The following GALNTL6 variants were observed in gnomAD, a reference collection of about 807,000 sequenced individuals.
GALNTL6 encodes polypeptide N-acetylgalactosaminyltransferase-like 6.
GALNTL6 carries 46 observed loss-of-function variants against 73.7 expected under a neutral mutation model. The ratio of observed to expected loss-of-function variants is 0.62; its 90% CI spans 0.49 to 0.80. GALNTL6 has a LOEUF of 0.80. Among genes scored for constraint, GALNTL6 ranks in the 30% least tolerant of loss-of-function variants. The pLI is 0.00. For missense variants in GALNTL6, 604 were observed against 755.0 expected (o/e 0.80, Z 2.34); for synonymous variants, 259 against 263.7 (o/e 0.98, Z 0.17).
At chr4:172,349,834 T>C (rs1024451278) in intron 5 of GALNTL6, among the ~76,000 whole-genome samples, 1 of 78,788 alleles carries the variant, frequency 1.3e-5, no homozygotes, top group Non-Finnish European at 3.5e-5. Context: ...AAAAAAAATA[T>C]ATATATATAT....
intron 2 of GALNTL6, among the ~76,000 whole-genome samples, chr4:171,957,163 G>T (rs1320159242): frequency 6.6e-6 from 1 of 152,098 alleles, no homozygotes; most frequent in Non-Finnish European, 1.5e-5. Flanking sequence ...AACAGACAAG[G>T]TCTAACCTCT....
intron 2 of GALNTL6, among the ~76,000 whole-genome samples, chr4:172,134,732 C>T (rs1733592155): frequency 6.6e-6 from 1 of 152,156 alleles, no homozygotes; most frequent in African/African-American, 2.4e-5. Flanking sequence ...CAAATAGCTA[C>T]CATATTTGAG....
chr4:172,087,822 T>A (rs1732094305), intron 2 of GALNTL6, among the ~76,000 whole-genome samples: 1 of 152,014 alleles, frequency 6.6e-6, no homozygotes, highest in Non-Finnish European at 1.5e-5. Context: ...ACATCTTTTT[T>A]ATATATATTT....
chr4:172,307,127 A>AT (rs1740166813), intron 3 of GALNTL6, among the ~76,000 whole-genome samples: 1 of 152,136 alleles, frequency 6.6e-6, no homozygotes, highest in Non-Finnish European at 1.5e-5. Context: ...AACATCCACT[A>AT]TTTTTTGATT....
intron 9 of GALNTL6, among the ~76,000 whole-genome samples, chr4:172,946,118 A>T (rs980471397): frequency 9.2e-6 from 1 of 109,086 alleles, no homozygotes; most frequent in Admixed American, 9.4e-5. Flanking sequence ...AGTTTTGGGG[A>T]AAAAGCGTGT....
At chr4:173,010,335 A>G (rs1464219150) in intron 11 of GALNTL6, among the ~76,000 whole-genome samples, 2 of 152,176 alleles carry the variant, frequency 1.3e-5, no homozygotes, top group African/African-American at 4.8e-5. Context: ...GTTGCAAATG[A>G]CAGGATCTCG....
At chr4:172,866,196 C>T (rs1744653310) in intron 7 of GALNTL6, among the ~76,000 whole-genome samples, 1 of 152,168 alleles carries the variant, frequency 6.6e-6, no homozygotes, top group Non-Finnish European at 1.5e-5. Context: ...TACATAGCCT[C>T]TCTAAAATAG....
chr4:172,779,861 T>C (rs961400490), intron 5 of GALNTL6, among the ~76,000 whole-genome samples: 6 of 152,316 alleles, frequency 3.9e-5, no homozygotes, highest in South Asian at 2.1e-4. Context: ...GATTTTTTTT[T>C]CCCCTTATCG....
intron 2 of GALNTL6, among the ~76,000 whole-genome samples, chr4:171,910,138 C>A (rs1274015815): frequency 6.6e-6 from 1 of 152,074 alleles, no homozygotes; most frequent in African/African-American, 2.4e-5. Flanking sequence ...TAGTAATCTA[C>A]TGCTTTGCTC....
At chr4:172,112,892 C>T (rs963955865) in intron 2 of GALNTL6, among the ~76,000 whole-genome samples, 3 of 151,902 alleles carry the variant, frequency 2.0e-5, no homozygotes, top group Non-Finnish European at 2.9e-5. Flanking sequence ...AGTGGACCCT[C>T]GCCAGACACC....
At chr4:172,446,390 G>T (rs975318901) in intron 5 of GALNTL6, among the ~76,000 whole-genome samples, 2 of 152,156 alleles carry the variant, frequency 1.3e-5, no homozygotes, top group Non-Finnish European at 2.9e-5. Context: ...CAGACAAGAG[G>T]CATTTGAAAC....
chr4:172,606,641 C>CTA (rs369076529), intron 5 of GALNTL6, among the ~76,000 whole-genome samples: 3 of 37,318 alleles, frequency 8.0e-5, no homozygotes, highest in African/African-American at 1.7e-4. Flanking sequence ...TATATATATA[C>CTA]TATATATATA....
chr4:173,022,691 G>T (rs1753064946), intron 12 of GALNTL6, among the ~76,000 whole-genome samples: 1 of 152,156 alleles, frequency 6.6e-6, no homozygotes, highest in Non-Finnish European at 1.5e-5. Context: ...CTGCCCAAAT[G>T]TAGCAAAGAA....
At chr4:172,404,967 G>A (rs988106725) in intron 5 of GALNTL6, among the ~76,000 whole-genome samples, 1 of 152,024 alleles carries the variant, frequency 6.6e-6, no homozygotes, top group African/African-American at 2.4e-5. Flanking sequence ...GCAACTGTGG[G>A]AAAATGCCCA....
intron 2 of GALNTL6, among the ~76,000 whole-genome samples, chr4:171,975,141 G>A (rs1739681831): frequency 6.6e-6 from 1 of 152,010 alleles, no homozygotes. Context: ...CTAAGTATTG[G>A]GCTTAAATGA....
chr4:172,292,921 G>T (rs1016241057), intron 3 of GALNTL6, among the ~76,000 whole-genome samples: 1 of 152,090 alleles, frequency 6.6e-6, no homozygotes. Context: ...TTGAAAGTTT[G>T]TGAGACATAG....
At chr4:171,844,770 A>G (rs145655609) in intron 2 of GALNTL6, among the ~76,000 whole-genome samples, 319 of 152,306 alleles carry the variant, frequency 2.1e-3, no homozygotes, top group Non-Finnish European at 3.7e-3. Flanking sequence ...AATAGGAAGC[A>G]TATAAATTAA....
chr4:172,021,272 G>T (rs1371367472), intron 2 of GALNTL6, among the ~76,000 whole-genome samples: 1 of 151,918 alleles, frequency 6.6e-6, no homozygotes, highest in African/African-American at 2.4e-5. Flanking sequence ...GTTATTGGAA[G>T]TCCTAGCTAG....
intron 7 of GALNTL6, among the ~76,000 whole-genome samples, chr4:172,852,687 A>C (rs1743898274): frequency 6.6e-6 from 1 of 152,188 alleles, no homozygotes; most frequent in Admixed American, 6.5e-5. Context: ...CAAGAACACT[A>C]ATGTGTTTAT....
Sources: allele counts gnomAD v4.1 joint callset (sites outside exome capture counted in the v4.1 genomes callset), GRCh38; gene constraint gnomAD v4.1.1; transcripts MANE v1.5; gene names NCBI Gene and HGNC (gene_info 2026-07-23, HGNC 2026-07-21).